Variants in CPD observed in about 807,000 individuals in gnomAD.
CPD encodes the protein carboxypeptidase D, also known as metallocarboxypeptidase D.
A neutral mutation model predicts 138.3 loss-of-function variants in CPD; 69 were observed. The ratio of observed to expected loss-of-function variants is 0.50; its 90% CI spans 0.41 to 0.61. CPD has a LOEUF of 0.61. CPD is among the 20% of genes least tolerant of loss of function. The pLI, the probability that CPD is intolerant of heterozygous loss-of-function variation, is 0.00. For synonymous variants in CPD, 651 were observed against 642.1 expected, an observed-to-expected ratio of 1.01 and a Z score of -0.21; for missense variants, 1,432 against 1,733.3, an observed-to-expected ratio of 0.83 and a Z score of 3.09.
chr17:30,444,534 T>C (rs1247112203), intron 11 of CPD, among the ~76,000 whole-genome samples: 1 of 145,654 alleles, frequency 6.9e-6, no homozygotes, highest in Non-Finnish European at 1.5e-5. Flanking sequence ...TTTTTTTTTT[T>C]TTTTTTTTGA....
chr17:30,407,160 G>A (rs1220266237), intron 2 of CPD, among the ~76,000 whole-genome samples: 1 of 152,086 alleles, frequency 6.6e-6, no homozygotes, highest in East Asian at 1.9e-4. Context: ...TCTTTTTTAT[G>A]GCTGCATTGT....
chr17:30,447,822 A>G (rs1913070120), intron 12 of CPD, among the ~76,000 whole-genome samples: 1 of 152,122 alleles, frequency 6.6e-6, no homozygotes, highest in Non-Finnish European at 1.5e-5. Context: ...GCTCTGCCTC[A>G]CTTGCACTGC....
chr17:30,428,345 C>CA (rs1912475308), intron 7 of CPD, among the ~76,000 whole-genome samples: 1 of 152,192 alleles, frequency 6.6e-6, no homozygotes, highest in Admixed American at 6.5e-5. Flanking sequence ...AATGTTCACT[C>CA]ATTTAATGTA....
rs554058846 is a variant in CPD, at chr17:30,455,175, A to G, written c.3206-164A>G. On this transcript the variant is annotated intron_variant, in intron 14 of 20. Coordinates refer to ENST00000225719, the MANE Select transcript of CPD (RefSeq NM_001304.5). Reference sequence around the variant, plus strand: ...AACTCAGACTAACCTACCTTCTGTAATGTATCTTTCTTGCTTGAGATAGTG... The same window carrying G: ...AACTCAGACTAACCTACCTTCTGTAGTGTATCTTTCTTGCTTGAGATAGTG... The G allele has an allele frequency of 7.4e-5, 45 of 608,864 alleles. 1 individual carries two copies. The allele number at this position is 608,864 out of a possible 1,614,324, so 37.7% of individuals were successfully genotyped here.
At chr17:30,385,523 C>G (rs1190460671) in intron 2 of CPD, among the ~76,000 whole-genome samples, 3 of 146,822 alleles carry the variant, frequency 2.0e-5, no homozygotes, top group Non-Finnish European at 3.1e-5. Flanking sequence ...CACACACACA[C>G]ACACACACAA....
At position 30,461,227 on chromosome 17, in the gene CPD, A is replaced by T; in HGVS notation, c.3546A>T (p.Thr1182=). The T allele has an allele frequency of 6.2e-7, 1 of 1,611,930 alleles. No individual in the cohort carries two copies. Among genetic ancestry groups the T allele is most frequent in the East Asian group, 2.2e-5 (1 of 44,764 alleles). Residue 1182 remains threonine, a synonymous_variant, in exon 18 of 21, where the codon ACA becomes ACT. Coordinates refer to ENST00000225719, the MANE Select transcript of CPD (RefSeq NM_001304.5). ...YGHCPEITVY[T]SCCYFPSAAR... is the part of the protein sequence containing the mutation. ...ATTGTCCGGAAATCACAGTATACAC[A>T]AGCTGCTGTTACTTTCCTAGTGCTG...
In CPD at chr17:30,445,941, C is replaced by T. The variant is rs770689947; in HGVS notation, c.2794C>T (p.Arg932Ter). The T allele has an allele frequency of 6.2e-7, 1 of 1,613,990 alleles. No homozygotes were observed. Reference protein sequence around the residue: ...SSSNLALALYRYHSYKDLSEF... With the variant: ...SSSNLALALY ...CTCAAATCTGGCTCTGGCTCTTTAT[C>T]GATACCATTCCTACAAAGACTTATC... Residue 932 changes from arginine (R) to a stop codon, truncating the protein, a stop_gained, in exon 12 of 21, where the codon CGA becomes TGA. Coordinates refer to ENST00000225719, the MANE Select transcript of CPD (RefSeq NM_001304.5). LOFTEE classifies it high-confidence loss of function.
chr17:30,386,442 T>TATATATATATATATATATACATAC (rs1279595060), intron 2 of CPD, among the ~76,000 whole-genome samples: 100 of 152,278 alleles, frequency 6.6e-4, no homozygotes, highest in African/African-American at 2.1e-3. Flanking sequence ...CATATATATA[T>TATATATATATATATATATACATAC]ACATAACATG....
chr17:30,464,563 C>G, intron 20 of CPD, 25 bp from the exon 21 acceptor site: 2 of 1,589,456 alleles, frequency 1.3e-6, no homozygotes, highest in African/African-American at 1.3e-5. Context: ...ATAATATCAC[C>G]CACATGATGG....
Position 30,379,743 on chromosome 17 carries a change from C to A in CPD, c.746+17C>A. The A allele has an allele frequency of 7.0e-7, 1 of 1,425,406 alleles. No individual in the cohort carries two copies. Among genetic ancestry groups the A allele is most frequent in the Non-Finnish European group, 9.1e-7 (1 of 1,095,354 alleles). 88.3% of individuals were successfully genotyped at this position (1,425,406 alleles called of 1,614,324 possible). ...CAGGAACAAGTGAGTGTTGCCTGCC[C>A]CCTCCCCGTCCGTGTGAGCCTCCAA... On this transcript the variant is annotated intron_variant, in intron 1 of 20. Transcript: ENST00000225719. This position sits in a 1 kb window ranked among gnomAD's most constrained non-coding sequence, Gnocchi z 7.0.
intron 2 of CPD, among the ~76,000 whole-genome samples, chr17:30,399,353 C>T (rs1486825422): frequency 6.6e-6 from 1 of 152,108 alleles, no homozygotes; most frequent in African/African-American, 2.4e-5. Context: ...AGTATTATTA[C>T]ATTTTTCTCT....
At chr17:30,407,807 G>C (rs1247250951) in intron 2 of CPD, among the ~76,000 whole-genome samples, 2 of 152,122 alleles carry the variant, frequency 1.3e-5, no homozygotes, top group Non-Finnish European at 2.9e-5. Flanking sequence ...CTGTGCAGAA[G>C]CTCTTTAGTT....
chr17:30,460,488 C>T (rs989777790), intron 17 of CPD, among the ~76,000 whole-genome samples: 5 of 151,784 alleles, frequency 3.3e-5, no homozygotes, highest in African/African-American at 4.8e-5. Context: ...CTAGTGGCAA[C>T]GAGAGTAGAG....
intron 8 of CPD, among the ~76,000 whole-genome samples, chr17:30,436,127 A>G (rs1168521263): frequency 6.6e-6 from 1 of 152,150 alleles, no homozygotes; most frequent in Non-Finnish European, 1.5e-5. Context: ...CTCAATCCAT[A>G]ACATATAACA....
intron 5 of CPD, 147 bp from the exon 6 acceptor site, chr17:30,423,359 G>A (rs1029138922): frequency 1.5e-5 from 8 of 550,202 alleles, no homozygotes; most frequent in Non-Finnish European, 2.2e-5. Context: ...TTTATAAGAT[G>A]TTTCTGAAGG....
intron 1 of CPD, among the ~76,000 whole-genome samples, chr17:30,382,575 A>C (rs1257764249): frequency 1.4e-4 from 22 of 152,378 alleles, no homozygotes; most frequent in Non-Finnish European, 5.9e-5. Flanking sequence ...AAAACTGTGT[A>C]ATTACAGTAA....
At chr17:30,402,137 T>C (rs1911690797) in intron 2 of CPD, among the ~76,000 whole-genome samples, 1 of 152,136 alleles carries the variant, frequency 6.6e-6, no homozygotes, top group Non-Finnish European at 1.5e-5. Flanking sequence ...TTCCTATCAT[T>C]TCCATTCTTC....
intron 8 of CPD, among the ~76,000 whole-genome samples, chr17:30,433,973 A>G (rs751971927): frequency 6.6e-6 from 1 of 151,888 alleles, no homozygotes; most frequent in Non-Finnish European, 1.5e-5. Context: ...TGATAATTAA[A>G]CTCCCCAGTC....
At chr17:30,424,236 A>G (rs1912342361) in intron 6 of CPD, among the ~76,000 whole-genome samples, 1 of 152,246 alleles carries the variant, frequency 6.6e-6, no homozygotes, top group Non-Finnish European at 1.5e-5. Flanking sequence ...TGTCTGGGTT[A>G]GGATAAGAGG....
Sources: allele counts gnomAD v4.1 joint callset (sites outside exome capture counted in the v4.1 genomes callset), GRCh38; gene constraint gnomAD v4.1.1; non-coding constraint Gnocchi (gnomAD v3.1); transcripts MANE v1.5; gene names NCBI Gene and HGNC (gene_info 2026-07-23, HGNC 2026-07-21).